FREM1: variants seen among roughly 807,000 people sequenced by gnomAD.
FREM1 encodes FRAS1 related extracellular matrix 1, also known as FRAS1-related extracellular matrix protein 1.
Under a neutral mutation model 210.1 loss-of-function variants are expected in FREM1, and 220 were observed. That is an observed-to-expected ratio of 1.05 (90% CI 0.94 to 1.17). FREM1 has a LOEUF of 1.17. Ranked by LOEUF, FREM1 falls within the 50% of genes most tolerant of loss-of-function variation. The pLI, the probability that FREM1 is intolerant of heterozygous loss-of-function variation, is 0.00. For missense variants in FREM1, 3,454 were observed against 2,675.5 expected, an observed-to-expected ratio of 1.29 and a Z score of -6.42; for synonymous variants, 1,189 against 980.2, an observed-to-expected ratio of 1.21 and a Z score of -3.98.
chr9:14,880,601 C>CAAAA (rs35625770), intron 1 of FREM1, among the ~76,000 whole-genome samples: 1 of 75,586 alleles, frequency 1.3e-5, no homozygotes, highest in African/African-American at 4.1e-5. Context: ...GAGACTGTCT[C>CAAAA]AAAAAAAAAA....
In FREM1 at chr9:14,786,037, G is replaced by A. The variant is rs911113963; in HGVS notation, c.4178-1403C>T. Among the ~76,000 whole-genome samples the A allele has an allele frequency of 3.3e-5, 5 of 152,186 alleles. No individual in the cohort carries two copies. The East Asian group carries it at 5.8e-4, about 18-fold the overall frequency. ...CATAATTGAATTTTGTTCACCTGAC[G>A]TCCATTACCAAGTGATCATATCTCA... On this transcript the variant is annotated intron_variant, in intron 23 of 36. Transcript: ENST00000380880.
chr9:14,813,593 A>G (rs1819775538), intron 15 of FREM1, among the ~76,000 whole-genome samples: 1 of 152,228 alleles, frequency 6.6e-6, no homozygotes, highest in Admixed American at 6.5e-5. Flanking sequence ...GTTAAATATG[A>G]AACTCCGTAA....
intron 17 of FREM1, among the ~76,000 whole-genome samples, chr9:14,807,116 C>G (rs373987712): frequency 8.5e-5 from 13 of 152,332 alleles, no homozygotes; most frequent in African/African-American, 3.1e-4. Flanking sequence ...GAAATACTAA[C>G]TGTTCCAGCA....
intron 1 of FREM1, among the ~76,000 whole-genome samples, chr9:14,893,747 T>G (rs538006384): frequency 6.6e-6 from 1 of 152,338 alleles, no homozygotes; most frequent in East Asian, 1.9e-4. Context: ...TAAGAAGTCA[T>G]GGAAATGTGG....
At chr9:14,745,681 T>A (rs1009091915) in intron 35 of FREM1, among the ~76,000 whole-genome samples, 2 of 152,216 alleles carry the variant, frequency 1.3e-5, no homozygotes, top group Admixed American at 1.3e-4. Context: ...TTTCCAGCCA[T>A]AGGGCATATT....
intron 1 of FREM1, among the ~76,000 whole-genome samples, chr9:14,885,212 T>C (rs1564169081): frequency 6.6e-6 from 1 of 152,088 alleles, no homozygotes; most frequent in Non-Finnish European, 1.5e-5. Context: ...TCTTTGCTTT[T>C]TGCAGAATTC....
intron 10 of FREM1, among the ~76,000 whole-genome samples, chr9:14,839,157 G>C (rs1825178252): frequency 6.6e-6 from 1 of 152,206 alleles, no homozygotes; most frequent in Non-Finnish European, 1.5e-5. Context: ...CAGAAAAGAT[G>C]AAGGTTGGAG....
chr9:14,842,429 C>G lies in FREM1; in HGVS notation c.1625G>C (p.Gly542Ala). 6.2e-7 allele frequency: 1 copy of G among 1,613,960 alleles called. No homozygotes were observed. The highest frequency in any genetic ancestry group is 8.5e-7 in the Non-Finnish European group (1 of 1,179,830). The stretch of plus-strand genomic sequence containing the variant: ...CACATCTGAAGCTCGCAGCATGGAT[C>G]CCTGGATCAGGATGGTCTGCCCCTC... ...LEEGQTILIQGSMLRASDVDA... is the reference protein window; with the variant it reads ...LEEGQTILIQASMLRASDVDA... The change falls in exon 9 of 37, where the codon GGA (glycine) becomes GCA (alanine). Residue 542 changes from glycine to alanine, a missense_variant. Gly to Ala is a moderately conservative substitution (Grantham distance 60). Transcript: ENST00000380880.
intron 1 of FREM1, among the ~76,000 whole-genome samples, chr9:14,874,534 A>C (rs1189631799): frequency 6.7e-6 from 1 of 149,924 alleles, no homozygotes; most frequent in Non-Finnish European, 1.5e-5. Flanking sequence ...ATCTTCCTCC[A>C]TCCTTTTATT....
intron 5 of FREM1, among the ~76,000 whole-genome samples, chr9:14,857,030 G>A (rs899157380): frequency 6.6e-6 from 1 of 152,056 alleles, no homozygotes; most frequent in Non-Finnish European, 1.5e-5. Flanking sequence ...AAAAGAGATT[G>A]GAAGACGCAG....
intron 10 of FREM1, among the ~76,000 whole-genome samples, chr9:14,833,746 C>G (rs955390411): frequency 6.6e-6 from 1 of 152,096 alleles, no homozygotes; most frequent in African/African-American, 2.4e-5. Context: ...ATTTAAAAGG[C>G]CTTTATGTTT....
At chr9:14,764,050 C>A (rs1197447106) in intron 27 of FREM1, among the ~76,000 whole-genome samples, 3 of 152,104 alleles carry the variant, frequency 2.0e-5, no homozygotes, top group African/African-American at 7.2e-5. Context: ...GTGGGAGGGA[C>A]CTGGTGGGAG....
intron 29 of FREM1, 44 bp downstream of exon 29, chr9:14,756,330 C>CA: frequency 1.5e-6 from 2 of 1,335,130 alleles, no homozygotes; most frequent in Non-Finnish European, 1.0e-6. Context: ...CAAAAAAAAA[C>CA]AAAAAACAAA....
At chr9:14,812,628 T>C (rs1819602882) in intron 16 of FREM1, among the ~76,000 whole-genome samples, 184 bp downstream of exon 16, 1 of 152,116 alleles carries the variant, frequency 6.6e-6, no homozygotes, top group Non-Finnish European at 1.5e-5. Flanking sequence ...TTCGTTATAA[T>C]AACACAATCA....
chr9:14,756,791 G>A (rs1283463668), intron 28 of FREM1, among the ~76,000 whole-genome samples: 1 of 152,042 alleles, frequency 6.6e-6, no homozygotes, highest in African/African-American at 2.4e-5. Flanking sequence ...ATCCCAATTT[G>A]GTTTTAAAAT....
intron 18 of FREM1, 48 bp downstream of exon 18, chr9:14,806,613 A>G (rs779683940): frequency 1.8e-6 from 2 of 1,110,514 alleles, no homozygotes; most frequent in Admixed American, 3.9e-5. Flanking sequence ...AATCGCTTCC[A>G]TAAATATAAG....
At chr9:14,848,796 G>C in intron 6 of FREM1, 23 bp from the exon 7 acceptor site, 2 of 1,426,726 alleles carry the variant, frequency 1.4e-6, no homozygotes, top group African/African-American at 2.8e-5. Flanking sequence ...AGAGGCAAAG[G>C]AGCCACACAC....
In FREM1 at chr9:14,805,042, T is replaced by C. The variant is rs1474490458; in HGVS notation, c.3385A>G (p.Lys1129Glu). The C allele has an allele frequency of 7.4e-6, 12 of 1,613,494 alleles. No individual in the cohort carries two copies. Among genetic ancestry groups the C allele is most frequent in the Non-Finnish European group, 1.0e-5 (12 of 1,179,536 alleles). ...AATGGTATCTCCAAGGAGTGATGCT[T>C]CCCATCTGTGACGTACACCGTGAAC... ...DQFTVYVTDG[K>E]HHSLEIPFSI... is the part of the protein sequence containing the mutation. Residue 1129 changes from lysine (K) to glutamate (E), a missense_variant, in exon 19 of 37, where the codon AAG (lysine) becomes GAG (glutamate). Coordinates refer to ENST00000380880, the MANE Select transcript of FREM1 (RefSeq NM_001379081.2).
At position 14,875,199 on chromosome 9, in the gene FREM1, A is replaced by G. The variant is rs1833466826; in HGVS notation, c.-267-5955T>C. The stretch of plus-strand genomic sequence containing the variant: ...TTGTGGTGTTCTCTTTATTTCCTGA[A>G]TCTGAATGTTGGCCTGCCTTGCTAG... On this transcript the variant is annotated intron_variant, in intron 1 of 36. Coordinates refer to ENST00000380880, the MANE Select transcript of FREM1 (RefSeq NM_001379081.2). Among the ~76,000 whole-genome samples, 5 of 152,022 alleles carry G rather than the reference A, an allele frequency of 3.3e-5. No homozygotes were observed. In the South Asian group the frequency reaches 1.0e-3, roughly 32 times the overall value.
Sources: allele counts gnomAD v4.1 joint callset (sites outside exome capture counted in the v4.1 genomes callset), GRCh38; gene constraint gnomAD v4.1.1; transcripts MANE v1.5; gene names NCBI Gene and HGNC (gene_info 2026-07-23, HGNC 2026-07-21).